SLC2A1: variants seen among roughly 807,000 people sequenced by gnomAD.
SLC2A1 encodes solute carrier family 2 member 1.
SLC2A1 carries 4 observed loss-of-function variants against 46.6 expected under a neutral mutation model. The ratio of observed to expected loss-of-function variants is 0.09; its 90% confidence interval spans 0.04 to 0.20. SLC2A1 has a LOEUF of 0.20. Among genes scored for constraint, SLC2A1 ranks in the 10% least tolerant of loss-of-function variants. The pLI, the probability that SLC2A1 is intolerant of heterozygous loss-of-function variation, is 1.00. For missense variants in SLC2A1, 352 were observed against 667.0 expected (o/e 0.53, Z 5.20); for synonymous variants, 253 against 270.0 (o/e 0.94, Z 0.62).
At chr1:42,935,909 T>C (rs1376671722) in intron 2 of SLC2A1, among the ~76,000 whole-genome samples, 1 of 152,234 alleles carries the variant, frequency 6.6e-6, no homozygotes, top group Non-Finnish European at 1.5e-5. Flanking sequence ...AGGTAGGGTC[T>C]GTGAGCCACA....
At chr1:42,957,163 G>A (rs1013500451) in intron 1 of SLC2A1, among the ~76,000 whole-genome samples, 9 of 152,240 alleles carry the variant, frequency 5.9e-5, no homozygotes, top group African/African-American at 2.2e-4. Context: ...TAAGTGGCCT[G>A]CAAGAGCCCT....
At chr1:42,945,309 G>T (rs146557554) in intron 1 of SLC2A1, among the ~76,000 whole-genome samples, 1 of 152,086 alleles carries the variant, frequency 6.6e-6, no homozygotes, top group African/African-American at 2.4e-5. Context: ...GTTCGAGGCC[G>T]CAGTGAGCTG....
chr1:42,958,860 T>C lies in SLC2A1; in HGVS notation c.-209A>G. On this transcript the variant is annotated 5_prime_UTR_variant, in exon 1 of 10. Coordinates refer to ENST00000426263, the MANE Select transcript of SLC2A1 (RefSeq NM_006516.4). ...CCGGCACGCTCGCTGTTGCTACCTC[T>C]TGCCTCTTGCCAGAGAGCGCGCGGA... 1 of 541,484 alleles carries C rather than the reference T, an allele frequency of 1.8e-6. No individual in the cohort carries two copies. Among genetic ancestry groups the C allele is most frequent in the South Asian group, 2.2e-5 (1 of 46,398 alleles). 33.5% of individuals were successfully genotyped at this position (541,484 alleles called of 1,614,324 possible).
intron 2 of SLC2A1, among the ~76,000 whole-genome samples, chr1:42,934,763 C>T (rs1175495251): frequency 6.6e-6 from 1 of 152,152 alleles, no homozygotes; most frequent in African/African-American, 2.4e-5. Context: ...GCTCCCACCT[C>T]ACATGCCCGT....
At position 42,948,257 on chromosome 1, in the gene SLC2A1, G is replaced by A. The variant is rs189867971; in HGVS notation, c.19-4936C>T. 2.6e-5 allele frequency among the ~76,000 whole-genome samples: 4 copies of A among 152,334 alleles called. No homozygotes were observed. In the East Asian group the frequency reaches 7.7e-4, roughly 29 times the overall value. The stretch of plus-strand genomic sequence containing the variant: ...TGGCCCTGGCCACATTGTATAACTT[G>A]CCAAACACTGTGGCCTTTTGACCCA... On this transcript the variant is annotated intron_variant, in intron 1 of 9. Transcript: ENST00000426263.
At chr1:42,950,045 T>C (rs1247338944) in intron 1 of SLC2A1, among the ~76,000 whole-genome samples, 1 of 152,248 alleles carries the variant, frequency 6.6e-6, no homozygotes, top group Non-Finnish European at 1.5e-5. Context: ...TTGGGCCACT[T>C]TGCTGCATTT....
Position 42,926,842 on chromosome 1 carries a change from C to T in SLC2A1, c.*199G>A. The stretch of plus-strand genomic sequence containing the variant: ...TGTTGCTTGTCTGAATAGATTTGAG[C>T]AACAGTCTTGCTTTTGTTAAAATCC... On this transcript the variant is annotated 3_prime_UTR_variant, in exon 10 of 10. Transcript: ENST00000426263. 3.4e-6 allele frequency: 5 copies of T among 1,478,268 alleles called. No individual in the cohort carries two copies. The highest frequency in any genetic ancestry group is 1.3e-5 in the South Asian group (1 of 75,436). The allele number at this position is 1,478,268 out of a possible 1,614,324, so 91.6% of individuals were successfully genotyped here. A position where few individuals can be genotyped will look rare whatever the true frequency, so the allele number is the denominator to read the frequency against.
At chr1:42,945,854 C>T (rs1643650382) in intron 1 of SLC2A1, among the ~76,000 whole-genome samples, 1 of 152,052 alleles carries the variant, frequency 6.6e-6, no homozygotes, top group South Asian at 2.1e-4. Flanking sequence ...CATTTTATAG[C>T]CTTTGGCACT....
At chr1:42,958,461 G>A (rs1320500238) in intron 1 of SLC2A1, among the ~76,000 whole-genome samples, 173 bp downstream of exon 1, 1 of 150,436 alleles carries the variant, frequency 6.6e-6, no homozygotes, top group Admixed American at 6.6e-5. Context: ...TGCGGCCAGC[G>A]GCCCGGCGGG....
In SLC2A1 at chr1:42,958,750, G is replaced by A. The variant is rs1216639622; in HGVS notation, c.-99C>T. 3 of 1,262,542 alleles carry A rather than the reference G, an allele frequency of 2.4e-6. No individual in the cohort carries two copies. The highest frequency in any genetic ancestry group is 3.3e-6 in the Non-Finnish European group (3 of 907,958). 78.2% of individuals were successfully genotyped at this position (1,262,542 alleles called of 1,614,324 possible). On this transcript the variant is annotated 5_prime_UTR_variant, in exon 1 of 10. Coordinates refer to ENST00000426263, the MANE Select transcript of SLC2A1 (RefSeq NM_006516.4). Reference sequence around the variant, plus strand: ...GCTCAGGCTCGTGCTCCGGTCCGGGGACTCCCACTGCGACTCTGACTCCGA... The same window carrying A: ...GCTCAGGCTCGTGCTCCGGTCCGGGAACTCCCACTGCGACTCTGACTCCGA...
rs549088884 is a variant in SLC2A1, at chr1:42,935,152, A to G, written c.115-3946T>C. Among the ~76,000 whole-genome samples the G allele has an allele frequency of 5.7e-4, 86 of 152,158 alleles. 1 individual carries two copies. Among genetic ancestry groups the G allele is most frequent in the African/African-American group, 2.0e-3 (83 of 41,518 alleles). On this transcript the variant is annotated intron_variant, in intron 2 of 9. Coordinates refer to ENST00000426263, the MANE Select transcript of SLC2A1 (RefSeq NM_006516.4). The stretch of plus-strand genomic sequence containing the variant: ...ACTGCCATGGTGTCGGCCAGCCTAG[A>G]GCTGAGGGGCTACTACAGATCTCTG...
At chr1:42,951,359 G>A (rs1045561134) in intron 1 of SLC2A1, among the ~76,000 whole-genome samples, 1 of 145,204 alleles carries the variant, frequency 6.9e-6, no homozygotes, top group Non-Finnish European at 1.5e-5. Flanking sequence ...TGTTCAGGGG[G>A]GAAAAAAAGC....
rs1643809675 is a variant in SLC2A1 at position 42,958,740 on chromosome 1, C to G, written c.-89G>C. The G allele has an allele frequency of 2.9e-6, 4 of 1,387,488 alleles. No homozygotes were observed. The highest frequency in any genetic ancestry group is 2.9e-5 in the African/African-American group (2 of 68,198). The allele number at this position is 1,387,488 out of a possible 1,614,324, so 85.9% of individuals were successfully genotyped here. ...GCGCTCTCCCGCTCAGGCTCGTGCT[C>G]CGGTCCGGGGACTCCCACTGCGACT... On this transcript the variant is annotated 5_prime_UTR_variant, in exon 1 of 10. Coordinates refer to ENST00000426263, the MANE Select transcript of SLC2A1 (RefSeq NM_006516.4).
chr1:42,956,415 A>T, intron 1 of SLC2A1, among the ~76,000 whole-genome samples: 1 of 108,148 alleles, frequency 9.2e-6, no homozygotes, highest in African/African-American at 4.0e-5. Flanking sequence ...TACAAAAAAA[A>T]AAAAAAAAAA....
Position 42,926,932 on chromosome 1 carries a change from C to T in SLC2A1, c.*109G>A, listed in dbSNP as rs1184031954. The T allele has an allele frequency of 6.5e-7, 1 of 1,539,242 alleles. No individual in the cohort carries two copies. The highest frequency in any genetic ancestry group is 1.4e-5 in the African/African-American group (1 of 72,942). ...GCTGGCTGGAGAAAGGAGCCCCAGG[C>T]CCGGCTCGGCTGACATCTGTCAGGT... On this transcript the variant is annotated 3_prime_UTR_variant, in exon 10 of 10. Transcript: ENST00000426263.
rs13306757 is a variant in SLC2A1 at position 42,929,866 on chromosome 1, C to A, written c.679+7G>T. On this transcript the variant is annotated splice_region_variant and intron_variant, in intron 5 of 9. Transcript: ENST00000426263. This position sits in a 1 kb window ranked among gnomAD's most constrained non-coding sequence, Gnocchi z 6.0. ...GAGTGGGGAGGAGGGCAGGGCCATGCCCGTACCACTCTTGGCCCGGTTCTC... is the reference window on the plus strand; with the variant it reads ...GAGTGGGGAGGAGGGCAGGGCCATGACCGTACCACTCTTGGCCCGGTTCTC... 1.4e-3 allele frequency: 2,323 copies of A among 1,614,092 alleles called. 43 individuals are homozygous for A. In the East Asian group the frequency reaches 0.044, roughly 30 times the overall value.
intron 1 of SLC2A1, among the ~76,000 whole-genome samples, chr1:42,947,712 A>AT (rs1553157206): frequency 6.1e-5 from 9 of 147,320 alleles, no homozygotes; most frequent in African/African-American, 1.7e-4. Flanking sequence ...ACAGAGTGAG[A>AT]TAAAAAAAAG....
intron 2 of SLC2A1, among the ~76,000 whole-genome samples, chr1:42,932,041 A>G (rs1369352722): frequency 3.3e-5 from 5 of 152,038 alleles, no homozygotes; most frequent in Admixed American, 2.0e-4. Flanking sequence ...TGGTGTGACA[A>G]ACTCACACAT....
rs1347914614 is a variant in SLC2A1 at position 42,926,991 on chromosome 1, G to A, written c.*50C>T. ...CTCATCCAGCTGCCTGTGCTCCTGA[G>A]AGATCCTTAGGGCTGCTGGGAGCAG... is the stretch of plus-strand genomic sequence containing the variant. On this transcript the variant is annotated 3_prime_UTR_variant, in exon 10 of 10. Transcript: ENST00000426263. 2.5e-6 allele frequency: 4 copies of A among 1,599,950 alleles called. No individual in the cohort carries two copies. The highest frequency in any genetic ancestry group is 2.2e-5 in the South Asian group (2 of 90,398).
Sources: allele counts gnomAD v4.1 joint callset (sites outside exome capture counted in the v4.1 genomes callset), GRCh38; gene constraint gnomAD v4.1.1; non-coding constraint Gnocchi (gnomAD v3.1); transcripts MANE v1.5; gene names NCBI Gene and HGNC (gene_info 2026-07-23, HGNC 2026-07-21).